Variants in LIPA observed in about 807,000 individuals in gnomAD.
LIPA encodes the protein lysosomal acid lipase/cholesteryl ester hydrolase.
In LIPA, 26 loss-of-function variants were observed where a neutral mutation model predicts 40.6. The ratio of observed to expected loss-of-function variants is 0.64; its 90% CI spans 0.47 to 0.89. The LOEUF is 0.89. LIPA is among the 40% of genes least tolerant of loss of function. The pLI is 0.00. For missense variants in LIPA, 455 were observed against 479.6 expected, an observed-to-expected ratio of 0.95 and a Z score of 0.48; for synonymous variants, 188 against 168.4, an observed-to-expected ratio of 1.12 and a Z score of -0.90.
At chr10:89,249,127 A>G (rs1466822040) in intron 1 of LIPA, among the ~76,000 whole-genome samples, 1 of 152,240 alleles carries the variant, frequency 6.6e-6, no homozygotes, top group East Asian at 1.9e-4. Context: ...GTCAGCATTT[A>G]AATTTGTCAT....
At chr10:89,284,347 T>G (rs1368397825) in intron 1 of LIPA, 1 of 152,250 alleles carries the variant, frequency 6.6e-6, no homozygotes, top group East Asian at 1.9e-4. Flanking sequence ...GAGCTCAGCA[T>G]TGGCAGCTCT....
chr10:89,402,355 T>TGTAAA, intron 2 of LIPA: 1 of 1,614,194 alleles, frequency 6.2e-7, no homozygotes, highest in Non-Finnish European at 8.5e-7. Context: ...GAGTTATCCA[T>TGTAAA]TGATGACGAT....
intron 2 of LIPA, chr10:89,402,632 C>A (rs1844448352): frequency 1.2e-6 from 2 of 1,614,098 alleles, no homozygotes; most frequent in Non-Finnish European, 8.5e-7. Context: ...CTTACCTGGA[C>A]AAGGTGGAGA....
At chr10:89,354,632 A>G (rs1175097476) in intron 2 of LIPA, among the ~76,000 whole-genome samples, 5 of 152,144 alleles carry the variant, frequency 3.3e-5, no homozygotes, top group Non-Finnish European at 4.4e-5. Context: ...CAGTGGTGCA[A>G]TCTCGGCTCA....
rs1399654807 is a variant in LIPA at position 89,403,442 on chromosome 10, A to C, written c.61+9349T>G. On this transcript the variant is annotated intron_variant, in intron 2 of 8. Transcript: ENST00000371837. Reference sequence around the variant, plus strand: ...ATTTCCACTATGGTCGGTTTCAGGAATTTCAAAAGAAATCTGACGTCAATG... The same window carrying C: ...ATTTCCACTATGGTCGGTTTCAGGACTTTCAAAAGAAATCTGACGTCAATG... 9 of 1,613,810 alleles carry C rather than the reference A, an allele frequency of 5.6e-6. No individual in the cohort carries two copies. The highest frequency in any genetic ancestry group is 1.3e-5 in the African/African-American group (1 of 74,932).
At chr10:89,404,083 C>G (rs1390516025) in intron 2 of LIPA, 1 of 162,564 alleles carries the variant, frequency 6.2e-6, no homozygotes, top group Non-Finnish European at 1.3e-5. Context: ...ACCCCAGAAA[C>G]CTTAAAAACT....
At chr10:89,306,631 A>C in intron 1 of LIPA, 1 of 1,614,132 alleles carries the variant, frequency 6.2e-7, no homozygotes, top group Non-Finnish European at 8.5e-7. Flanking sequence ...TGCGTGAAGA[A>C]GGTGAAGAGG....
chr10:89,386,978 A>T (rs1251156544), intron 2 of LIPA, among the ~76,000 whole-genome samples: 9 of 140,324 alleles, frequency 6.4e-5, no homozygotes, highest in African/African-American at 2.9e-4. Context: ...TGTGTGAGAG[A>T]GAGAGAGAGT....
At chr10:89,269,140 C>T (rs1196656073) in intron 1 of LIPA, among the ~76,000 whole-genome samples, 1 of 151,734 alleles carries the variant, frequency 6.6e-6, no homozygotes, top group African/African-American at 2.4e-5. Flanking sequence ...TCATGGCCAA[C>T]ACAGTGAAAC....
At chr10:89,287,791 C>T (rs981481601) in intron 1 of LIPA, among the ~76,000 whole-genome samples, 3 of 152,114 alleles carry the variant, frequency 2.0e-5, no homozygotes, top group Non-Finnish European at 4.4e-5. Flanking sequence ...CCCCATTTTA[C>T]CTCTCCAAAA....
At chr10:89,354,088 AAGGAGGC>A in intron 2 of LIPA, among the ~76,000 whole-genome samples, 1 of 152,194 alleles carries the variant, frequency 6.6e-6, no homozygotes, top group Non-Finnish European at 1.5e-5. Flanking sequence ...TCTTTCTTCT[AAGGAGGC>A]AAGAATTAAG....
chr10:89,329,181 A>G (rs1391568806), intron 1 of LIPA, among the ~76,000 whole-genome samples: 3 of 152,158 alleles, frequency 2.0e-5, no homozygotes, highest in African/African-American at 7.2e-5. Context: ...GGGGGCAGAA[A>G]AGGAAAACTG....
In LIPA at chr10:89,360,539, G is replaced by A. The variant is rs775069093; in HGVS notation, c.61+52252C>T. Among the ~76,000 whole-genome samples, 117 of 152,330 alleles carry A rather than the reference G, an allele frequency of 7.7e-4. 1 individual carries two copies. The highest frequency in any genetic ancestry group is 2.1e-3 in the South Asian group (10 of 4,824). ...AGAGACTAGAAGTGGTACATGTGAG[G>A]CTAAGAGTGATGGTTTAAAAAGAAT... is the stretch of plus-strand genomic sequence containing the variant. On this transcript the variant is annotated intron_variant, in intron 2 of 8. Coordinates refer to the LIPA transcript ENST00000371837.
At chr10:89,357,326 C>A (rs35830608) in intron 2 of LIPA, among the ~76,000 whole-genome samples, 6 of 152,030 alleles carry the variant, frequency 3.9e-5, no homozygotes, top group African/African-American at 1.5e-4. Context: ...ACCTGAGGAG[C>A]CTCTCAGCTG....
intron 2 of LIPA, among the ~76,000 whole-genome samples, chr10:89,347,971 C>T (rs904519838): frequency 2.6e-5 from 4 of 152,184 alleles, no homozygotes; most frequent in Admixed American, 2.6e-4. Context: ...GGCCTACCAC[C>T]GTAAGGTTTC....
chr10:89,388,812 G>T (rs991854520), intron 2 of LIPA, among the ~76,000 whole-genome samples: 2 of 149,626 alleles, frequency 1.3e-5, no homozygotes, highest in African/African-American at 4.9e-5. Context: ...AAAAAAAAAT[G>T]AGCTAATAAA....
chr10:89,350,323 T>TTTTTTTTTTTTTGTG (rs1843950615), intron 2 of LIPA, among the ~76,000 whole-genome samples: 1 of 151,778 alleles, frequency 6.6e-6, no homozygotes. Flanking sequence ...ACCTTTTTTT[T>TTTTTTTTTTTTTGTG]TAAGACGGAG....
At chr10:89,264,780 A>G (rs1843226730) in intron 1 of LIPA, among the ~76,000 whole-genome samples, 2 of 152,140 alleles carry the variant, frequency 1.3e-5, no homozygotes. Context: ...TGGGCTGTGG[A>G]CACCACCTGG....
At chr10:89,401,313 G>C (rs1038095518) in intron 2 of LIPA, among the ~76,000 whole-genome samples, 3 of 151,914 alleles carry the variant, frequency 2.0e-5, no homozygotes, top group Non-Finnish European at 2.9e-5. Context: ...GTAGAGACAG[G>C]ATTTCACCAT....
Sources: allele counts gnomAD v4.1 joint callset (sites outside exome capture counted in the v4.1 genomes callset), GRCh38; gene constraint gnomAD v4.1.1; transcripts MANE v1.5; gene names NCBI Gene and HGNC (gene_info 2026-07-23, HGNC 2026-07-21).